SBNO2: variants seen among roughly 807,000 people sequenced by gnomAD.
SBNO2 encodes protein strawberry notch homolog 2.
SBNO2 carries 89 observed loss-of-function variants against 146.3 expected under a neutral mutation model. The ratio of observed to expected loss-of-function variants is 0.61; its 90% CI spans 0.51 to 0.73. The LOEUF (loss-of-function observed/expected upper bound fraction) is 0.73. Among genes scored for constraint, SBNO2 ranks in the 30% least tolerant of loss-of-function variants. The pLI is 0.00. For missense variants in SBNO2, 2,092 were observed against 2,003.7 expected (o/e 1.04, Z -0.84); for synonymous variants, 1,147 against 892.6 (o/e 1.29, Z -5.08).
chr19:1,133,369 C>G (rs2080053155), intron 4 of SBNO2, among the ~76,000 whole-genome samples: 2 of 152,134 alleles, frequency 1.3e-5, no homozygotes, highest in Admixed American at 6.5e-5. Flanking sequence ...GGGCTCGGGA[C>G]AGTTCTGGGC....
chr19:1,119,377 C>G (rs905526107), intron 13 of SBNO2, 139 bp downstream of exon 13: 2 of 862,214 alleles, frequency 2.3e-6, no homozygotes, highest in Non-Finnish European at 3.6e-6. Flanking sequence ...CAGCCCGAGG[C>G]AGTGAAACGA....
chr19:1,122,573 C>CCA lies in SBNO2; in HGVS notation c.915-16_915-15insTG, dbSNP rs1568577090. 6.6e-7 allele frequency: 1 copy of CCA among 1,526,482 alleles called. No homozygotes were observed. The highest frequency in any genetic ancestry group is 8.8e-7 in the Non-Finnish European group (1 of 1,136,814). The allele number at this position is 1,526,482 out of a possible 1,614,324, so 94.6% of individuals were successfully genotyped here. On this transcript the variant is annotated splice_polypyrimidine_tract_variant and intron_variant, in intron 9 of 31. Coordinates refer to ENST00000361757, the MANE Select transcript of SBNO2 (RefSeq NM_014963.3). ...AGACGCTGAACCTGCGGGGTGGGGGCGTCAGGCGCGCCCACCCTTCCCCCT... is the reference window on the plus strand; with the variant it reads ...AGACGCTGAACCTGCGGGGTGGGGGCCAGTCAGGCGCGCCCACCCTTCCCCCT...
rs563103560 is a variant in SBNO2 at position 1,154,179 on chromosome 19, C to G, written c.93+5G>C. On this transcript the variant is annotated splice_donor_5th_base_variant and intron_variant, in intron 2 of 31. Coordinates refer to ENST00000361757, the MANE Select transcript of SBNO2 (RefSeq NM_014963.3). Reference sequence around the variant, plus strand: ...GGGTGGGCCGGGGCCGGGGGTGGGGCTCACCTGCAGGGGCGGCGGGCTGTA... The same window carrying G: ...GGGTGGGCCGGGGCCGGGGGTGGGGGTCACCTGCAGGGGCGGCGGGCTGTA... 8.2e-7 allele frequency: 1 copy of G among 1,225,532 alleles called. No individual in the cohort carries two copies. Among genetic ancestry groups the G allele is most frequent in the South Asian group, 4.0e-5 (1 of 24,718 alleles). The allele number at this position is 1,225,532 out of a possible 1,614,324, so 75.9% of individuals were successfully genotyped here.
At position 1,109,217 on chromosome 19, in the gene SBNO2, G is replaced by C; in HGVS notation, c.3349-6C>G. 1.3e-6 allele frequency: 2 copies of C among 1,569,220 alleles called. No individual in the cohort carries two copies. The highest frequency in any genetic ancestry group is 1.7e-6 in the Non-Finnish European group (2 of 1,158,002). ...TTGGCCTCCTCCGCGGTGACCTAGGGACACAGGGCCGCATGAGCCTGGGCG... is the reference window on the plus strand; with the variant it reads ...TTGGCCTCCTCCGCGGTGACCTAGGCACACAGGGCCGCATGAGCCTGGGCG... On this transcript the variant is annotated splice_region_variant and splice_polypyrimidine_tract_variant and intron_variant, in intron 29 of 31. Coordinates refer to ENST00000361757, the MANE Select transcript of SBNO2 (RefSeq NM_014963.3). This position sits in a 1 kb window ranked among gnomAD's most constrained non-coding sequence, Gnocchi z 4.2.
intron 10 of SBNO2, 34 bp downstream of exon 10, chr19:1,122,434 C>A: frequency 6.4e-7 from 1 of 1,552,572 alleles, no homozygotes; most frequent in South Asian, 1.2e-5. Context: ...ACGGTCCCCA[C>A]CTTGCCCCCT....
chr19:1,140,021 C>T lies in SBNO2; in HGVS notation c.279+7288G>A, dbSNP rs770572074. On this transcript the variant is annotated intron_variant, in intron 4 of 31. Transcript: ENST00000361757. This position sits in a 1 kb window ranked among gnomAD's most constrained non-coding sequence, Gnocchi z 4.4. ...AAGAAAATAAAGAAGAAATGCAGGC[C>T]GGGCGCGGTGGCTCACGCCTGTAAT... 1.3e-4 allele frequency among the ~76,000 whole-genome samples: 20 copies of T among 148,382 alleles called. No homozygotes were observed. The highest frequency in any genetic ancestry group is 4.1e-4 in the East Asian group (2 of 4,874).
chr19:1,139,225 G>A (rs2080112997), intron 4 of SBNO2, among the ~76,000 whole-genome samples: 1 of 152,232 alleles, frequency 6.6e-6, no homozygotes, highest in African/African-American at 2.4e-5. Context: ...CACTCAGTGA[G>A]AGACGCCAGA....
intron 2 of SBNO2, 50 bp from the exon 3 acceptor site, chr19:1,149,492 G>T: frequency 6.6e-7 from 1 of 1,511,344 alleles, no homozygotes; most frequent in Non-Finnish European, 9.0e-7. Flanking sequence ...GACCTGCGGT[G>T]CAGCCCGGCT....
At position 1,113,615 on chromosome 19, in the gene SBNO2, G is replaced by A. The variant is rs762749363; in HGVS notation, c.2167C>T (p.Arg723Trp). 13 of 1,596,594 alleles carry A rather than the reference G, an allele frequency of 8.1e-6. No homozygotes were observed. Among genetic ancestry groups the A allele is most frequent in the African/African-American group, 2.7e-5 (2 of 73,170 alleles). The change falls in exon 19 of 32, where the codon CGG (arginine) becomes TGG (tryptophan). Residue 723 changes from arginine to tryptophan, a missense_variant. Arg to Trp is a moderately radical substitution (Grantham distance 101, BLOSUM62 -3). Transcript: ENST00000361757. ...RLKQDLLDKVRRLGRELPVNT... is the reference protein window; with the variant it reads ...RLKQDLLDKVWRLGRELPVNT... ...ACTGGCAGTTCCCGGCCCAGCCGCC[G>A]CACTTTGTCCAGCAGATCCTGCTTC...
chr19:1,157,174 G>T lies in SBNO2; in HGVS notation c.-126-2772C>A, dbSNP rs893738444. On this transcript the variant is annotated intron_variant, in intron 1 of 31. Transcript: ENST00000361757. This position sits in a 1 kb window ranked among gnomAD's most constrained non-coding sequence, Gnocchi z 6.8. Reference sequence around the variant, plus strand: ...CCCACCCCATGGTCCTGAGCCCTCCGGACCCTTCCCCCATTGACTCCGCCG... The same window carrying T: ...CCCACCCCATGGTCCTGAGCCCTCCTGACCCTTCCCCCATTGACTCCGCCG... 6.6e-6 allele frequency among the ~76,000 whole-genome samples: 1 copy of T among 152,032 alleles called. No individual in the cohort carries two copies. Among genetic ancestry groups the T allele is most frequent in the South Asian group, 2.1e-4 (1 of 4,812 alleles).
chr19:1,172,790 C>CT (rs1211622499), intron 1 of SBNO2, among the ~76,000 whole-genome samples: 1 of 106,010 alleles, frequency 9.4e-6, no homozygotes, highest in Non-Finnish European at 2.0e-5. Context: ...CCCCCCCGCC[C>CT]CGGCAAACTG....
At chr19:1,139,108 C>T (rs938758056) in intron 4 of SBNO2, among the ~76,000 whole-genome samples, 1 of 152,266 alleles carries the variant, frequency 6.6e-6, no homozygotes, top group Non-Finnish European at 1.5e-5. Flanking sequence ...ATGCGTCCAT[C>T]ATGGACAAAC....
intron 4 of SBNO2, among the ~76,000 whole-genome samples, chr19:1,138,310 G>A (rs1404747458): frequency 2.0e-5 from 3 of 151,118 alleles, no homozygotes; most frequent in Non-Finnish European, 3.0e-5. Context: ...GTGGGGCCGC[G>A]AGGCTGGGCT....
intron 4 of SBNO2, among the ~76,000 whole-genome samples, chr19:1,141,420 G>A (rs972596356): frequency 3.3e-5 from 5 of 152,096 alleles, no homozygotes; most frequent in Non-Finnish European, 7.4e-5. Context: ...TCGCCACGTT[G>A]GCCAGGATGG....
At chr19:1,116,794 G>T in intron 16 of SBNO2, 35 bp downstream of exon 16, 1 of 1,530,252 alleles carries the variant, frequency 6.5e-7, no homozygotes, top group Non-Finnish European at 8.8e-7. Context: ...ATGAGCGCAG[G>T]AAGCCCACAG....
intron 1 of SBNO2, chr19:1,168,742 C>A (rs926473683): frequency 1.3e-5 from 2 of 152,240 alleles, no homozygotes; most frequent in East Asian, 3.9e-4. Context: ...GACGGGCAGC[C>A]GACGGCGGTC....
In SBNO2 at chr19:1,108,097, A is replaced by AC. The variant is rs2079693625; in HGVS notation, c.*122dup. On this transcript the variant is annotated 3_prime_UTR_variant, in exon 32 of 32. Coordinates refer to ENST00000361757, the MANE Select transcript of SBNO2 (RefSeq NM_014963.3). ...GGGGCCCGGGTCGGGCGCTGAAGGCACTGCGGCCAGGGCCTAGGGCTCCTC... is the reference window on the plus strand; with the variant it reads ...GGGGCCCGGGTCGGGCGCTGAAGGCACCTGCGGCCAGGGCCTAGGGCTCCTC... 1 of 1,133,072 alleles carries AC rather than the reference A, an allele frequency of 8.8e-7. No individual in the cohort carries two copies. The highest frequency in any genetic ancestry group is 1.9e-5 in the South Asian group (1 of 52,070). 70.2% of individuals were successfully genotyped at this position (1,133,072 alleles called of 1,614,324 possible).
chr19:1,119,655 C>T (rs772382853), intron 12 of SBNO2, 34 bp from the exon 13 acceptor site: 56 of 1,555,184 alleles, frequency 3.6e-5, no homozygotes, highest in Middle Eastern at 3.3e-4. Context: ...CTCCCCAACC[C>T]GGGAGGGCCC....
chr19:1,152,677 C>T (rs562141656), intron 2 of SBNO2, among the ~76,000 whole-genome samples: 62 of 152,280 alleles, frequency 4.1e-4, no homozygotes, highest in South Asian at 1.0e-3. Flanking sequence ...CCCCTCTGGA[C>T]GGTCAGAACA....
Sources: gnomAD v4.1 joint callset for allele counts (sites outside exome capture counted in the v4.1 genomes callset) on GRCh38, gnomAD v4.1.1 for gene constraint, Gnocchi (gnomAD v3.1) non-coding constraint, MANE v1.5 for transcripts, NCBI Gene and HGNC (gene_info 2026-07-23, HGNC 2026-07-21) for gene names.